RPS6KL1: variants seen among roughly 807,000 people sequenced by gnomAD.
RPS6KL1 encodes ribosomal protein S6 kinase like 1.
RPS6KL1 carries 41 observed loss-of-function variants against 57.0 expected under a neutral mutation model. That is an observed-to-expected ratio of 0.72 (90% CI 0.56 to 0.93). The LOEUF (loss-of-function observed/expected upper bound fraction) is 0.93, where lower values mean the gene tolerates loss of function less well. RPS6KL1 is among the 40% of genes least tolerant of loss of function. RPS6KL1 has a pLI of 0.00. For synonymous variants in RPS6KL1, 287 were observed against 309.7 expected, an observed-to-expected ratio of 0.93 and a Z score of 0.77; for missense variants, 697 against 727.7, an observed-to-expected ratio of 0.96 and a Z score of 0.49.
Position 74,906,928 on chromosome 14 carries a change from A to ATT in RPS6KL1, c.*85_*86insAA. ...CATTCCTCGCCCAAAGCCCGCTGAT[A>ATT]GAGGGCCAGCCCTGGGTTGGGTGTC... is the stretch of plus-strand genomic sequence containing the variant. On this transcript the variant is annotated 3_prime_UTR_variant, in exon 12 of 12. Transcript: ENST00000557413. The ATT allele has an allele frequency of 1.1e-6, 1 of 931,364 alleles. No homozygotes were observed. The highest frequency in any genetic ancestry group is 1.4e-5 in the South Asian group (1 of 70,718). The allele number at this position is 931,364 out of a possible 1,614,324, so 57.7% of individuals were successfully genotyped here. A position where few individuals can be genotyped will look rare whatever the true frequency, so the allele number is the denominator to read the frequency against.
chr14:74,921,480 C>G lies in RPS6KL1; in HGVS notation c.62G>C (p.Arg21Pro), dbSNP rs7156590. Residue 21 changes from arginine to proline, a missense_variant, in exon 3 of 12, where the codon CGA becomes CCA. Physicochemically the swap from Arg to Pro is moderately radical, Grantham distance 103. Coordinates refer to ENST00000557413, the MANE Select transcript of RPS6KL1 (RefSeq NM_031464.5). The stretch of plus-strand genomic sequence containing the variant: ...GTACACGTGAGCTTGGGACCGTGCT[C>G]GTGAGCAAGGCTCAGGCTCCAGGCC... ...SPGLEPEPCS[R>P]ARSQAHVYLE... is the part of the protein sequence containing the mutation. 5 of 1,614,112 alleles carry G rather than the reference C, an allele frequency of 3.1e-6. No individual in the cohort carries two copies. Among genetic ancestry groups the G allele is most frequent in the Non-Finnish European group, 4.2e-6 (5 of 1,180,010 alleles).
In RPS6KL1 at chr14:74,906,322, C is replaced by T. The variant is rs1884803049; in HGVS notation, c.*692G>A. 2 of 347,386 alleles carry T rather than the reference C, an allele frequency of 5.8e-6. No homozygotes were observed. Among genetic ancestry groups the T allele is most frequent in the African/African-American group, 4.3e-5 (2 of 46,214 alleles). 21.5% of individuals were successfully genotyped at this position (347,386 alleles called of 1,614,324 possible). A position where few individuals can be genotyped will look rare whatever the true frequency, so the allele number is the denominator to read the frequency against. On this transcript the variant is annotated 3_prime_UTR_variant, in exon 12 of 12. Coordinates refer to ENST00000557413, the MANE Select transcript of RPS6KL1 (RefSeq NM_031464.5). ...GGGGCAGACCCATGCATTCCTTCCT[C>T]CCCCCATTACTCTTATTTTCTTCCC...
rs1885440607 is a variant in RPS6KL1 at position 74,909,125 on chromosome 14, C to T, written c.1336G>A (p.Val446Met). The T allele has an allele frequency of 1.9e-6, 3 of 1,614,052 alleles. No individual in the cohort carries two copies. Among genetic ancestry groups the T allele is most frequent in the African/African-American group, 1.3e-5 (1 of 74,942 alleles). ...CCTGGGGCGCTGTAGAGATTGTCCA[C>T]GGCCTCCCCGCAGCACTGGGGCTCC... ...EVEPQCCGEA[V>M]DNLYSAPEVG... is the part of the protein sequence containing the mutation. Residue 446 changes from valine (V) to methionine (M), a missense_variant, in exon 9 of 12, where the codon GTG (valine) becomes ATG (methionine). Val to Met is a conservative substitution (Grantham distance 21). Coordinates refer to ENST00000557413, the MANE Select transcript of RPS6KL1 (RefSeq NM_031464.5).
chr14:74,907,244 A>AC, intron 11 of RPS6KL1, 120 bp from the exon 12 acceptor site: 1 of 1,372,000 alleles, frequency 7.3e-7, no homozygotes, highest in East Asian at 2.4e-5. Flanking sequence ...GGCCCACAGA[A>AC]CCCCCATTTT....
chr14:74,916,039 C>T (rs538360035), intron 5 of RPS6KL1, among the ~76,000 whole-genome samples: 1 of 152,336 alleles, frequency 6.6e-6, no homozygotes, highest in African/African-American at 2.4e-5. Context: ...CTGCCACCAT[C>T]TCTTCAGCCC....
At chr14:74,918,722 C>A in intron 4 of RPS6KL1, 117 bp from the exon 5 acceptor site, 1 of 754,396 alleles carries the variant, frequency 1.3e-6, no homozygotes, top group East Asian at 2.9e-5. Context: ...GCTGGGAGGG[C>A]AGGGGTATAG....
intron 8 of RPS6KL1, 58 bp downstream of exon 8, chr14:74,909,485 C>A: frequency 6.5e-7 from 1 of 1,527,532 alleles, no homozygotes; most frequent in East Asian, 2.3e-5. Flanking sequence ...GGGGATCTCT[C>A]GTCCTCTGCC....
Position 74,907,058 on chromosome 14 carries a change from G to A in RPS6KL1, c.1606C>T (p.His536Tyr). 1 of 1,613,796 alleles carries A rather than the reference G, an allele frequency of 6.2e-7. No individual in the cohort carries two copies. Among genetic ancestry groups the A allele is most frequent in the East Asian group, 2.2e-5 (1 of 44,870 alleles). Reference sequence around the variant, plus strand: ...CATTGGATGGTACTGAAAAAGGGATGGGACTTGAGTTTGCTGACACCACCT... The same window carrying A: ...CATTGGATGGTACTGAAAAAGGGATAGGACTTGAGTTTGCTGACACCACCT... ...GEGGVSKLKS[H>Y]PFFSTIQWSK... The change falls in exon 12 of 12, where the codon CAT becomes TAT. Residue 536 changes from histidine (H) to tyrosine (Y), a missense_variant. His to Tyr is a moderately conservative substitution (Grantham distance 83). Coordinates refer to ENST00000557413, the MANE Select transcript of RPS6KL1 (RefSeq NM_031464.5).
intron 3 of RPS6KL1, 39 bp downstream of exon 3, chr14:74,921,238 T>TACCCCCCCCCCC: frequency 4.8e-6 from 4 of 840,180 alleles, no homozygotes; most frequent in Non-Finnish European, 8.2e-6. Flanking sequence ...CACTGGCCCT[T>TACCCCCCCCCCC]CCCCACCCAC....
intron 9 of RPS6KL1, 47 bp from the exon 10 acceptor site, chr14:74,908,979 T>C (rs374856984): frequency 1.9e-6 from 3 of 1,576,806 alleles, no homozygotes; most frequent in African/African-American, 2.7e-5. Flanking sequence ...TAAGAGGGCC[T>C]CTTCCATTCT....
Position 74,913,559 on chromosome 14 carries a change from A to G in RPS6KL1, c.484-1718T>C, listed in dbSNP as rs1340837879. On this transcript the variant is annotated intron_variant, in intron 5 of 11. Transcript: ENST00000557413. The stretch of plus-strand genomic sequence containing the variant: ...CAACAGAGACAGACTCCATCTCAAA[A>G]ACAAAACAAAACAACAAAAAACAAA... Among the ~76,000 whole-genome samples, 3 of 151,998 alleles carry G rather than the reference A, an allele frequency of 2.0e-5. No homozygotes were observed. In the East Asian group the frequency reaches 5.8e-4, roughly 29 times the overall value.
chr14:74,909,455 T>TTG (rs1885517628), intron 8 of RPS6KL1, 88 bp downstream of exon 8: 4 of 1,483,848 alleles, frequency 2.7e-6, no homozygotes, highest in Non-Finnish European at 3.6e-6. Flanking sequence ...GCAGACAACC[T>TTG]TGGAGGTCCC....
In RPS6KL1 at chr14:74,908,521, G is replaced by A. The variant is rs112524245; in HGVS notation, c.1443+329C>T. On this transcript the variant is annotated intron_variant, in intron 10 of 11. Coordinates refer to ENST00000557413, the MANE Select transcript of RPS6KL1 (RefSeq NM_031464.5). ...GTCATGGGTGGGAGGAGTGAACAGC[G>A]GGCTCAGGATGATTGAACAGCCTTC... Among the ~76,000 whole-genome samples, 680 of 152,270 alleles carry A rather than the reference G, an allele frequency of 4.5e-3. 2 individuals carry two copies. Among genetic ancestry groups the A allele is most frequent in the African/African-American group, 0.016 (655 of 41,552 alleles).
In RPS6KL1 at chr14:74,905,434, T is replaced by G. The variant is rs938233977; in HGVS notation, c.*1580A>C. On this transcript the variant is annotated 3_prime_UTR_variant, in exon 12 of 12. Coordinates refer to ENST00000557413, the MANE Select transcript of RPS6KL1 (RefSeq NM_031464.5). ...GGCACCATGAGCCTCTTCCAAGGCT[T>G]CTTCATCCTCTTCCCCACAGAACCT... 2.0e-5 allele frequency: 3 copies of G among 152,104 alleles called. No individual in the cohort carries two copies. Among genetic ancestry groups the G allele is most frequent in the Non-Finnish European group, 2.9e-5 (2 of 68,062 alleles). 9.4% of individuals were successfully genotyped at this position (152,104 alleles called of 1,614,324 possible). A position where few individuals can be genotyped will look rare whatever the true frequency, so the allele number is the denominator to read the frequency against.
intron 5 of RPS6KL1, among the ~76,000 whole-genome samples, chr14:74,913,643 C>G (rs1416481256): frequency 6.6e-6 from 1 of 152,194 alleles, no homozygotes; most frequent in African/African-American, 2.4e-5. Flanking sequence ...ATCACATCTG[C>G]CAAGTCACAT....
rs759120913 is a variant in RPS6KL1, at chr14:74,909,567, C to T, written c.1246G>A (p.Gly416Arg). Residue 416 changes from glycine to arginine, a missense_variant, in exon 8 of 12, where the codon GGG becomes AGG. Transcript: ENST00000557413. The stretch of plus-strand genomic sequence containing the variant: ...CCTGCCTGGTCCAGGAGCAGGTTCC[C>T]GGGGTGGAGGTCCCGGCACAGCACC... Reference protein sequence around the residue: ...QGVLCRDLHPGNLLLDQAGHI... With the variant: ...QGVLCRDLHPRNLLLDQAGHI... The T allele has an allele frequency of 1.2e-5, 20 of 1,607,450 alleles. No homozygotes were observed. The highest frequency in any genetic ancestry group is 6.7e-5 in the Admixed American group (4 of 59,626).
intron 7 of RPS6KL1, 131 bp from the exon 8 acceptor site, chr14:74,910,279 G>C: frequency 9.4e-7 from 1 of 1,064,952 alleles, no homozygotes. Flanking sequence ...TCCTGGCCTA[G>C]TTCAGCCCCT....
Position 74,911,391 on chromosome 14 carries a change from CA to C in RPS6KL1, c.532-12del, listed in dbSNP as rs1373881731. 1 of 1,599,314 alleles carries C rather than the reference CA, an allele frequency of 6.3e-7. No homozygotes were observed. Among genetic ancestry groups the C allele is most frequent in the Admixed American group, 1.7e-5 (1 of 59,936 alleles). ...GCACCTGGGTAGGCTCTGGGAGCAG[CA>C]GGGCAGGCAGATCAGCCGGGGACAG... On this transcript the variant is annotated splice_polypyrimidine_tract_variant and intron_variant, in intron 6 of 11. Coordinates refer to ENST00000557413, the MANE Select transcript of RPS6KL1 (RefSeq NM_031464.5).
chr14:74,909,031 C>T (rs1172161855), intron 9 of RPS6KL1, 70 bp downstream of exon 9: 9 of 1,587,036 alleles, frequency 5.7e-6, no homozygotes, highest in Non-Finnish European at 7.8e-6. Flanking sequence ...CTGTCATTCT[C>T]AGACTCTGGG....
Sources: allele counts gnomAD v4.1 joint callset (sites outside exome capture counted in the v4.1 genomes callset), GRCh38; gene constraint gnomAD v4.1.1; transcripts MANE v1.5; gene names NCBI Gene and HGNC (gene_info 2026-07-23, HGNC 2026-07-21).